HDAC9: variants seen among roughly 807,000 people sequenced by gnomAD.
HDAC9 encodes the protein MEF-2 interacting transcription repressor (MITR) protein.
HDAC9 carries 41 observed loss-of-function variants against 139.4 expected under a neutral mutation model. The observed-to-expected ratio is 0.29, with a 90% CI of 0.23 to 0.38. The LOEUF is 0.38. Among genes scored for constraint, HDAC9 ranks in the 10% least tolerant of loss-of-function variants. The pLI, the probability that HDAC9 is intolerant of heterozygous loss-of-function variation, is 1.00. For synonymous variants in HDAC9, 517 were observed against 476.2 expected (o/e 1.09, Z -1.12); for missense variants, 1,147 against 1,297.0 (o/e 0.88, Z 1.78).
chr7:18,634,840 G>T (rs1783401714), intron 8 of HDAC9, 98 bp downstream of exon 8: 3 of 716,084 alleles, frequency 4.2e-6, no homozygotes, highest in Admixed American at 2.6e-5. Context: ...ATATCCAAAT[G>T]ATATTTATGA....
At chr7:18,811,878 G>A (rs1461368656) in intron 17 of HDAC9, among the ~76,000 whole-genome samples, 1 of 151,380 alleles carries the variant, frequency 6.6e-6, no homozygotes, top group African/African-American at 2.4e-5. Flanking sequence ...GAGAGAGAAA[G>A]AGAGAGAGAC....
chr7:18,380,035 A>G (rs1472435753), intron 1 of HDAC9, among the ~76,000 whole-genome samples: 2 of 152,184 alleles, frequency 1.3e-5, no homozygotes, highest in Admixed American at 6.6e-5. Flanking sequence ...TCTAAAACCA[A>G]TTGAGTTCTT....
chr7:18,145,703 C>A (rs1011294614), intron 1 of HDAC9, among the ~76,000 whole-genome samples: 1 of 152,038 alleles, frequency 6.6e-6, no homozygotes, highest in Non-Finnish European at 1.5e-5. Flanking sequence ...TAAGGAACAT[C>A]TTTTAAATGT....
intron 1 of HDAC9, among the ~76,000 whole-genome samples, chr7:18,144,209 AG>A (rs1400607914): frequency 2.6e-5 from 4 of 152,246 alleles, no homozygotes; most frequent in Non-Finnish European, 5.9e-5. Flanking sequence ...AACAAGATAA[AG>A]TCACCTTAAA....
chr7:18,584,290 G>A (rs1282082501), intron 2 of HDAC9, among the ~76,000 whole-genome samples: 5 of 151,528 alleles, frequency 3.3e-5, no homozygotes, highest in Non-Finnish European at 5.9e-5. Flanking sequence ...CACCACACCC[G>A]GCTAATTTTT....
intron 2 of HDAC9, among the ~76,000 whole-genome samples, chr7:18,212,193 A>G (rs1369589796): frequency 2.0e-5 from 3 of 152,142 alleles, no homozygotes; most frequent in Non-Finnish European, 4.4e-5. Flanking sequence ...AACTATGGAG[A>G]TTTAAATTAG....
chr7:18,348,613 A>T (rs1246312671), intron 1 of HDAC9, among the ~76,000 whole-genome samples: 1 of 152,138 alleles, frequency 6.6e-6, no homozygotes, highest in Non-Finnish European at 1.5e-5. Flanking sequence ...TGTTGTTCTG[A>T]GCTGTGGTTC....
chr7:18,494,845 A>T (rs962793544), upstream of HDAC9, among the ~76,000 whole-genome samples: 3 of 152,106 alleles, frequency 2.0e-5, no homozygotes, highest in Non-Finnish European at 4.4e-5. Flanking sequence ...GAAATTCTGT[A>T]TCCATAAGAA....
intron 2 of HDAC9, among the ~76,000 whole-genome samples, chr7:18,238,401 A>T (rs1358111518): frequency 1.3e-5 from 2 of 152,196 alleles, no homozygotes; most frequent in East Asian, 1.9e-4. Flanking sequence ...TCTTTGACCG[A>T]TGAACTTTCC....
intron 21 of HDAC9, among the ~76,000 whole-genome samples, chr7:18,840,267 T>A (rs1344840267): frequency 6.6e-6 from 1 of 152,066 alleles, no homozygotes; most frequent in Non-Finnish European, 1.5e-5. Context: ...ATTTTAAATA[T>A]CATCTTTTCA....
At chr7:18,781,236 C>T (rs761222967) in intron 16 of HDAC9, among the ~76,000 whole-genome samples, 12 of 151,888 alleles carry the variant, frequency 7.9e-5, no homozygotes, top group Non-Finnish European at 1.6e-4. Flanking sequence ...GAATACAGTC[C>T]CATTGGGCTT....
At chr7:18,194,096 G>GT (rs1790561445) in intron 2 of HDAC9, among the ~76,000 whole-genome samples, 1 of 152,150 alleles carries the variant, frequency 6.6e-6, no homozygotes, top group African/African-American at 2.4e-5. Context: ...GAAAGGAGAT[G>GT]TATAAGTACA....
intron 17 of HDAC9, among the ~76,000 whole-genome samples, chr7:18,817,266 C>T (rs896378990): frequency 6.6e-6 from 1 of 152,098 alleles, no homozygotes; most frequent in African/African-American, 2.4e-5. Context: ...TGTCTCCTGA[C>T]CTCGTGATCC....
intron 2 of HDAC9, among the ~76,000 whole-genome samples, chr7:18,547,671 C>A (rs1184512455): frequency 1.3e-5 from 2 of 152,198 alleles, no homozygotes; most frequent in Non-Finnish European, 2.9e-5. Flanking sequence ...GAACTTCTTT[C>A]AAAATTGAAG....
chr7:18,928,420 G>A (rs1287534468), intron 22 of HDAC9, among the ~76,000 whole-genome samples: 1 of 152,170 alleles, frequency 6.6e-6, no homozygotes, highest in Non-Finnish European at 1.5e-5. Flanking sequence ...CCATGCTCTG[G>A]TGAAACAGAT....
intron 1 of HDAC9, among the ~76,000 whole-genome samples, chr7:18,142,742 T>C (rs1785999013): frequency 6.6e-6 from 1 of 152,174 alleles, no homozygotes; most frequent in Non-Finnish European, 1.5e-5. Flanking sequence ...CTGCAGACTT[T>C]TACTTCCCTT....
intron 1 of HDAC9, among the ~76,000 whole-genome samples, chr7:18,098,102 A>C (rs1331453585): frequency 6.6e-6 from 1 of 152,228 alleles, no homozygotes; most frequent in Admixed American, 6.5e-5. Flanking sequence ...TAAACATTAC[A>C]ACTCAGTCCT....
chr7:18,602,626 G>A (rs59787068), intron 6 of HDAC9, among the ~76,000 whole-genome samples: 3,930 of 151,782 alleles, frequency 0.026, 122 homozygotes, highest in African/African-American at 0.073. Flanking sequence ...GCATCCCACA[G>A]ATTTTGATAA....
At chr7:18,350,405 A>T (rs1782762238) in intron 1 of HDAC9, among the ~76,000 whole-genome samples, 1 of 152,144 alleles carries the variant, frequency 6.6e-6, no homozygotes, top group Non-Finnish European at 1.5e-5. Context: ...TACTCATCTA[A>T]TTTCTCTTTA....
Sources: gnomAD v4.1 joint callset for allele counts (sites outside exome capture counted in the v4.1 genomes callset) on GRCh38, gnomAD v4.1.1 for gene constraint, MANE v1.5 for transcripts, NCBI Gene and HGNC (gene_info 2026-07-23, HGNC 2026-07-21) for gene names.